Variants in LRIG3 observed in about 807,000 individuals in gnomAD.
The protein encoded by LRIG3 is leucine-rich repeats and immunoglobulin-like domains protein 3.
A neutral mutation model predicts 114.5 loss-of-function variants in LRIG3; 76 were observed. The observed-to-expected ratio is 0.66, with a 90% CI of 0.55 to 0.80. The LOEUF is 0.80. LRIG3 is among the 30% of genes least tolerant of loss of function. The probability of loss-of-function intolerance (pLI) is 0.00; values close to 1 mark genes in which losing one functional copy is unlikely to be tolerated. For synonymous variants in LRIG3, 512 were observed against 519.8 expected, an observed-to-expected ratio of 0.98 and a Z score of 0.20; for missense variants, 1,239 against 1,382.8, an observed-to-expected ratio of 0.90 and a Z score of 1.65.
chr12:58,886,780 G>A (rs1433315389), intron 9 of LRIG3, 30 bp downstream of exon 9: 2 of 1,597,418 alleles, frequency 1.3e-6, no homozygotes, highest in South Asian at 2.2e-5. Flanking sequence ...ATCAAAGAGT[G>A]AGCTAAATTA....
intron 13 of LRIG3, among the ~76,000 whole-genome samples, chr12:58,879,365 C>T (rs1871040918): frequency 6.6e-6 from 1 of 152,158 alleles, no homozygotes; most frequent in Non-Finnish European, 1.5e-5. Context: ...GAAGGTCTTC[C>T]TGCTATTTTC....
rs983536077 is a variant in LRIG3 at position 58,920,475 on chromosome 12, G to A, written c.-240C>T. 6.6e-4 allele frequency: 249 copies of A among 378,794 alleles called. 5 individuals carry two copies. The highest frequency in any genetic ancestry group is 9.8e-5 in the Non-Finnish European group (21 of 214,374). 23.5% of individuals were successfully genotyped at this position (378,794 alleles called of 1,614,324 possible). On this transcript the variant is annotated 5_prime_UTR_variant, in exon 1 of 19. The change creates a new upstream start codon in the 5' untranslated region. Transcript: ENST00000320743. ...GCAACAGAGTTGCAGCTTGAGCAGC[G>A]TCGGCTCGCCGAAGCCCCTTCTTGT...
Position 58,920,468 on chromosome 12 carries a change from G to C in LRIG3, c.-233C>G. 2.6e-6 allele frequency: 1 copy of C among 383,590 alleles called. No individual in the cohort carries two copies. Among genetic ancestry groups the C allele is most frequent in the Non-Finnish European group, 4.6e-6 (1 of 217,446 alleles). The allele number at this position is 383,590 out of a possible 1,614,324, so 23.8% of individuals were successfully genotyped here. A position where few individuals can be genotyped will look rare whatever the true frequency, so the allele number is the denominator to read the frequency against. ...GCCAACTGCAACAGAGTTGCAGCTT[G>C]AGCAGCGTCGGCTCGCCGAAGCCCC... On this transcript the variant is annotated 5_prime_UTR_variant, in exon 1 of 19. Transcript: ENST00000320743.
At chr12:58,913,693 C>T (rs1330657323) in intron 3 of LRIG3, 6 of 288,852 alleles carry the variant, frequency 2.1e-5, no homozygotes, top group Admixed American at 4.8e-5. Flanking sequence ...CTACAGAATA[C>T]GATAAAATAC....
chr12:58,910,121 G>T (rs780474973), intron 3 of LRIG3, among the ~76,000 whole-genome samples: 1 of 152,110 alleles, frequency 6.6e-6, no homozygotes, highest in Non-Finnish European at 1.5e-5. Context: ...GACAATGATG[G>T]ACTAAGAAAT....
chr12:58,901,890 C>A (rs993186686), intron 3 of LRIG3, among the ~76,000 whole-genome samples: 1 of 152,258 alleles, frequency 6.6e-6, no homozygotes, highest in South Asian at 2.1e-4. Context: ...AAGGAGAGGG[C>A]AGTCAGACAA....
At chr12:58,903,390 T>A (rs1231898353) in intron 3 of LRIG3, among the ~76,000 whole-genome samples, 1 of 152,262 alleles carries the variant, frequency 6.6e-6, no homozygotes, top group South Asian at 2.1e-4. Flanking sequence ...TCTGTTCATA[T>A]CCTTTGCCCA....
intron 3 of LRIG3, among the ~76,000 whole-genome samples, chr12:58,909,417 T>G (rs1452307830): frequency 6.6e-6 from 1 of 152,194 alleles, no homozygotes; most frequent in East Asian, 1.9e-4. Flanking sequence ...CATGAACTGA[T>G]GTTATCTTTT....
chr12:58,917,219 T>C (rs1872509899), intron 1 of LRIG3, among the ~76,000 whole-genome samples: 1 of 152,186 alleles, frequency 6.6e-6, no homozygotes, highest in Non-Finnish European at 1.5e-5. Flanking sequence ...TTTGGGACTT[T>C]CGCCTGGGTC....
At chr12:58,881,027 A>G in intron 12 of LRIG3, 126 bp from the exon 13 acceptor site, 1 of 832,656 alleles carries the variant, frequency 1.2e-6, no homozygotes, top group South Asian at 1.7e-5. Flanking sequence ...TATGTTTTCC[A>G]GATGGACTAG....
At position 58,879,071 on chromosome 12, in the gene LRIG3, G is replaced by A; in HGVS notation, c.1836C>T (p.Leu612=). The A allele has an allele frequency of 2.5e-6, 4 of 1,613,850 alleles. No individual in the cohort carries two copies. Among genetic ancestry groups the A allele is most frequent in the Non-Finnish European group, 3.4e-6 (4 of 1,179,782 alleles). Residue 612 remains leucine (L), a synonymous_variant, in exon 14 of 19, where the codon CTC becomes CTT. Transcript: ENST00000320743. The stretch of plus-strand genomic sequence containing the variant: ...GTGCCATGGCCCCAGCTCGGATGGT[G>A]AGATCCATGGGGGTCTTGGTGAATG... ...LPSFTKTPMD[L]TIRAGAMARL...
intron 3 of LRIG3, among the ~76,000 whole-genome samples, chr12:58,909,611 C>T (rs1037161416): frequency 1.3e-5 from 2 of 152,192 alleles, no homozygotes; most frequent in African/African-American, 4.8e-5. Flanking sequence ...ATTCACTGAG[C>T]ACTCAGTACA....
chr12:58,905,786 C>T (rs770283727), intron 3 of LRIG3, among the ~76,000 whole-genome samples: 10 of 152,172 alleles, frequency 6.6e-5, no homozygotes, highest in Non-Finnish European at 1.3e-4. Flanking sequence ...CCTACACCGG[C>T]TTAGGGATTC....
chr12:58,915,343 G>T (rs2120991169), intron 1 of LRIG3, among the ~76,000 whole-genome samples: 1 of 152,246 alleles, frequency 6.6e-6, no homozygotes, highest in East Asian at 1.9e-4. Context: ...GTTTAAAACG[G>T]AGTTTTTTAA....
chr12:58,911,023 C>T (rs924321964), intron 3 of LRIG3, among the ~76,000 whole-genome samples: 22 of 152,180 alleles, frequency 1.4e-4, no homozygotes, highest in African/African-American at 4.8e-4. Flanking sequence ...CCTGCAATAG[C>T]TAGGATATTG....
chr12:58,873,980 G>C (rs1344303707), intron 18 of LRIG3, 75 bp downstream of exon 18: 2 of 1,508,738 alleles, frequency 1.3e-6, no homozygotes, highest in African/African-American at 2.8e-5. Context: ...GACATTCAAG[G>C]CTGTCATTGC....
At position 58,883,511 on chromosome 12, in the gene LRIG3, A is replaced by G. The variant is rs2120893559; in HGVS notation, c.1316+9T>C. 3 of 1,528,524 alleles carry G rather than the reference A, an allele frequency of 2.0e-6. No individual in the cohort carries two copies. Among genetic ancestry groups the G allele is most frequent in the East Asian group, 4.6e-5 (2 of 43,530 alleles). 94.7% of individuals were successfully genotyped at this position (1,528,524 alleles called of 1,614,324 possible). ...CTTTCAGACTCCTAGAAGGAAAAGA[A>G]AAGCTTACAATTGTTGCAGTTTCTT... On this transcript the variant is annotated intron_variant, in intron 11 of 18. Coordinates refer to ENST00000320743, the MANE Select transcript of LRIG3 (RefSeq NM_153377.5).
intron 12 of LRIG3, among the ~76,000 whole-genome samples, chr12:58,881,790 C>A (rs1345250324): frequency 6.6e-6 from 1 of 152,112 alleles, no homozygotes; most frequent in Admixed American, 6.5e-5. Context: ...TTTTCAATGT[C>A]TGCATATTGT....
At chr12:58,879,567 A>G (rs1373178485) in intron 13 of LRIG3, among the ~76,000 whole-genome samples, 1 of 152,196 alleles carries the variant, frequency 6.6e-6, no homozygotes, top group African/African-American at 2.4e-5. Flanking sequence ...GTGCCAGGCC[A>G]CAGCCATCAT....
Sources: gnomAD v4.1 joint callset for allele counts (sites outside exome capture counted in the v4.1 genomes callset) on GRCh38, gnomAD v4.1.1 for gene constraint, MANE v1.5 for transcripts, NCBI Gene and HGNC (gene_info 2026-07-23, HGNC 2026-07-21) for gene names.